Variants in R3HCC1L observed in about 807,000 individuals in gnomAD.
R3HCC1L encodes the protein R3H domain and coiled-coil containing 1 like, also known as coiled-coil domain-containing protein R3HCC1L.
Under a neutral mutation model 59.9 loss-of-function variants are expected in R3HCC1L, and 51 were observed. That is an observed-to-expected ratio of 0.85 (90% CI 0.68 to 1.07). The LOEUF is 1.07. R3HCC1L is among the 50% of genes least tolerant of loss of function. R3HCC1L has a pLI of 0.00. For synonymous variants in R3HCC1L, 322 were observed against 315.2 expected (o/e 1.02, Z -0.23); for missense variants, 965 against 933.0 (o/e 1.03, Z -0.45).
intron 6 of R3HCC1L, 115 bp downstream of exon 6, chr10:98,231,802 G>A: frequency 8.7e-7 from 1 of 1,145,516 alleles, no homozygotes; most frequent in Non-Finnish European, 1.2e-6. Context: ...TTTAGCATCA[G>A]GCTGGTTTAT....
At position 98,236,283 on chromosome 10, in the gene R3HCC1L, C is replaced by A. The variant is rs935511927; in HGVS notation, c.2269+119C>A. The stretch of plus-strand genomic sequence containing the variant: ...TGTCGTTTCTGTTTCCTAGAAGCCT[C>A]CTAAGTGTATAGAAATTTTCATGCC... On this transcript the variant is annotated intron_variant, in intron 9 of 9. Coordinates refer to ENST00000298999, the MANE Select transcript of R3HCC1L (RefSeq NM_001351015.2). The A allele has an allele frequency of 2.3e-6, 3 of 1,312,516 alleles. No individual in the cohort carries two copies. The African/African-American group carries it at 4.5e-5, about 20-fold the overall frequency. 81.3% of individuals were successfully genotyped at this position (1,312,516 alleles called of 1,614,324 possible).
At chr10:98,183,285 C>T (rs888828561) in intron 4 of R3HCC1L, among the ~76,000 whole-genome samples, 1 of 148,186 alleles carries the variant, frequency 6.7e-6, no homozygotes, top group Non-Finnish European at 1.5e-5. Context: ...TGGTGTCTGA[C>T]TTTCAAAATT....
At chr10:98,155,061 C>A (rs535365231) in intron 1 of R3HCC1L, among the ~76,000 whole-genome samples, 1 of 152,008 alleles carries the variant, frequency 6.6e-6, no homozygotes, top group East Asian at 1.9e-4. Flanking sequence ...CTGCTGATAA[C>A]CCTCTTCTGT....
At chr10:98,163,683 T>C (rs1847657374) in intron 4 of R3HCC1L, among the ~76,000 whole-genome samples, 1 of 152,230 alleles carries the variant, frequency 6.6e-6, no homozygotes, top group Non-Finnish European at 1.5e-5. Flanking sequence ...GCTCTGTCTC[T>C]TTCCACTGTA....
At chr10:98,234,176 A>G (rs1478306439) in intron 6 of R3HCC1L, among the ~76,000 whole-genome samples, 2 of 152,172 alleles carry the variant, frequency 1.3e-5, no homozygotes, top group Non-Finnish European at 2.9e-5. Context: ...TACATCCCCA[A>G]GGGACTTGTG....
rs1267750744 is a variant in R3HCC1L at position 98,236,177 on chromosome 10, G to C, written c.2269+13G>C. The C allele has an allele frequency of 6.2e-7, 1 of 1,613,042 alleles. No homozygotes were observed. Among genetic ancestry groups the C allele is most frequent in the South Asian group, 1.1e-5 (1 of 90,986 alleles). ...CAAGAAGCCAGAGGTGAGCTGAAAGGGTGGTGTTCTTCTCTAGGCCCTTCA... is the reference window on the plus strand; with the variant it reads ...CAAGAAGCCAGAGGTGAGCTGAAAGCGTGGTGTTCTTCTCTAGGCCCTTCA... On this transcript the variant is annotated intron_variant, in intron 9 of 9. Coordinates refer to ENST00000298999, the MANE Select transcript of R3HCC1L (RefSeq NM_001351015.2).
In R3HCC1L at chr10:98,141,716, C is replaced by T. The variant is rs546243505; in HGVS notation, c.-268+7010C>T. ...GATTGTCCCTCAGAACACCTACCTA[C>T]CCAGATAGGCTAATTTGAGCTTCTT... On this transcript the variant is annotated intron_variant, in intron 1 of 9. Coordinates refer to ENST00000298999, the MANE Select transcript of R3HCC1L (RefSeq NM_001351015.2). 2.0e-5 allele frequency among the ~76,000 whole-genome samples: 3 copies of T among 152,302 alleles called. No homozygotes were observed. In the South Asian group the frequency reaches 6.2e-4, roughly 32 times the overall value.
intron 2 of R3HCC1L, among the ~76,000 whole-genome samples, chr10:98,156,599 G>T (rs547569389): frequency 6.6e-6 from 1 of 152,262 alleles, no homozygotes; most frequent in South Asian, 2.1e-4. Flanking sequence ...TAGTGTTTTG[G>T]GGGAGTGTGG....
chr10:98,221,421 T>A (rs1854936895), intron 5 of R3HCC1L, among the ~76,000 whole-genome samples: 1 of 150,052 alleles, frequency 6.7e-6, no homozygotes, highest in Non-Finnish European at 1.5e-5. Flanking sequence ...TTGTTGCCAT[T>A]GCTTTTGGTG....
chr10:98,241,979 G>T (rs1379173200), intron 9 of R3HCC1L, among the ~76,000 whole-genome samples: 2 of 151,950 alleles, frequency 1.3e-5, no homozygotes. Context: ...TTCTCAATTT[G>T]TCTTCCTACT....
chr10:98,178,658 T>C (rs932834850), intron 4 of R3HCC1L, among the ~76,000 whole-genome samples: 1 of 152,214 alleles, frequency 6.6e-6, no homozygotes, highest in African/African-American at 2.4e-5. Flanking sequence ...CCTTGGGCAG[T>C]ATGGCCATTT....
intron 2 of R3HCC1L, among the ~76,000 whole-genome samples, chr10:98,161,431 A>G (rs1469724984): frequency 6.6e-6 from 1 of 151,946 alleles, no homozygotes; most frequent in Non-Finnish European, 1.5e-5. Context: ...TTTACTGGTG[A>G]TGTATGTTAC....
chr10:98,240,960 A>T (rs991159917), intron 9 of R3HCC1L, among the ~76,000 whole-genome samples: 1 of 152,206 alleles, frequency 6.6e-6, no homozygotes, highest in African/African-American at 2.4e-5. Flanking sequence ...AGCTGTTGCT[A>T]AAATAAATAG....
intron 1 of R3HCC1L, among the ~76,000 whole-genome samples, chr10:98,141,144 A>G (rs1845097832): frequency 6.6e-6 from 1 of 152,198 alleles, no homozygotes; most frequent in Non-Finnish European, 1.5e-5. Flanking sequence ...TAACTTTATA[A>G]TCCTATTTTG....
At chr10:98,164,776 T>A (rs1315507731) in intron 4 of R3HCC1L, among the ~76,000 whole-genome samples, 4 of 151,946 alleles carry the variant, frequency 2.6e-5, no homozygotes, top group African/African-American at 9.7e-5. Context: ...TGTGTGTAAG[T>A]TAGAGGAGGT....
intron 5 of R3HCC1L, among the ~76,000 whole-genome samples, chr10:98,211,090 G>C (rs1853510271): frequency 6.6e-6 from 1 of 152,130 alleles, no homozygotes; most frequent in South Asian, 2.1e-4. Flanking sequence ...ACAAAATATA[G>C]AGCGGAGAAT....
At chr10:98,168,704 A>C (rs1486643017) in intron 4 of R3HCC1L, among the ~76,000 whole-genome samples, 4 of 152,218 alleles carry the variant, frequency 2.6e-5, no homozygotes, top group African/African-American at 9.6e-5. Context: ...TATTCTGTTT[A>C]AGATTGCATC....
intron 4 of R3HCC1L, chr10:98,174,365 T>C: frequency 7.3e-6 from 3 of 410,016 alleles, no homozygotes; most frequent in Non-Finnish European, 9.9e-6. Context: ...GTTATTGAAT[T>C]AATTTAAAAT....
chr10:98,187,730 C>CTTTTTTT (rs755546581), intron 4 of R3HCC1L, among the ~76,000 whole-genome samples: 1 of 95,158 alleles, frequency 1.1e-5, no homozygotes, highest in African/African-American at 4.0e-5. Context: ...TGTAACAATT[C>CTTTTTTT]TTTTTTTTTT....
Sources: gnomAD v4.1 joint callset for allele counts (sites outside exome capture counted in the v4.1 genomes callset) on GRCh38, gnomAD v4.1.1 for gene constraint, MANE v1.5 for transcripts, NCBI Gene and HGNC (gene_info 2026-07-23, HGNC 2026-07-21) for gene names.